The following COL25A1 variants were observed in gnomAD, a reference collection of about 807,000 sequenced individuals.
COL25A1 encodes collagen type XXV alpha 1 chain.
COL25A1 carries 103 observed loss-of-function variants against 128.4 expected under a neutral mutation model. That is an observed-to-expected ratio of 0.80 (90% CI 0.68 to 0.94). COL25A1 has a LOEUF of 0.94. Among genes scored for constraint, COL25A1 ranks in the 40% least tolerant of loss-of-function variants. COL25A1 has a pLI of 0.00. For missense variants in COL25A1, 745 were observed against 840.0 expected (o/e 0.89, Z 1.40); for synonymous variants, 279 against 277.2 (o/e 1.01, Z -0.06).
At chr4:108,994,406 G>A (rs1754542443) in intron 6 of COL25A1, among the ~76,000 whole-genome samples, 4 of 152,190 alleles carry the variant, frequency 2.6e-5, no homozygotes, top group African/African-American at 9.7e-5. Flanking sequence ...TGGGGGGAGG[G>A]GCGTCCACCA....
At chr4:109,145,313 C>T (rs867587527) in intron 3 of COL25A1, among the ~76,000 whole-genome samples, 6 of 151,974 alleles carry the variant, frequency 3.9e-5, no homozygotes, top group East Asian at 1.9e-4. Flanking sequence ...GTGATCTGCC[C>T]GCCTCGGTCT....
intron 3 of COL25A1, among the ~76,000 whole-genome samples, chr4:109,173,286 C>G (rs1272180062): frequency 6.6e-6 from 1 of 152,080 alleles, no homozygotes; most frequent in Non-Finnish European, 1.5e-5. Context: ...TGAGGTCTCA[C>G]TATATTGTCC....
chr4:109,245,266 A>C (rs1780185034), intron 3 of COL25A1, among the ~76,000 whole-genome samples: 1 of 152,148 alleles, frequency 6.6e-6, no homozygotes, highest in Non-Finnish European at 1.5e-5. Context: ...TGTTATAGCC[A>C]AATATAGGAA....
At chr4:109,263,071 G>A (rs192869541) in intron 3 of COL25A1, among the ~76,000 whole-genome samples, 1 of 152,268 alleles carries the variant, frequency 6.6e-6, no homozygotes, top group Non-Finnish European at 1.5e-5. Context: ...TGAGGTTGCA[G>A]TGAGCCAAGA....
intron 8 of COL25A1, among the ~76,000 whole-genome samples, chr4:108,963,533 C>T (rs1296910320): frequency 4.6e-5 from 7 of 152,072 alleles, no homozygotes; most frequent in East Asian, 1.9e-4. Context: ...CACATTTTAG[C>T]ATATGCTTCC....
At chr4:109,210,098 A>G (rs1777376158) in intron 3 of COL25A1, among the ~76,000 whole-genome samples, 1 of 151,878 alleles carries the variant, frequency 6.6e-6, no homozygotes, top group African/African-American at 2.4e-5. Context: ...GGTTCTTGTT[A>G]GGTATTAATT....
At position 109,254,783 on chromosome 4, in the gene COL25A1, C is replaced by T. The variant is rs199824198; in HGVS notation, c.367+45800G>A. Among the ~76,000 whole-genome samples the T allele has an allele frequency of 3.9e-5, 6 of 151,902 alleles. No individual in the cohort carries two copies. In the East Asian group the frequency reaches 9.7e-4, roughly 25 times the overall value. On this transcript the variant is annotated intron_variant, in intron 3 of 37. Coordinates refer to ENST00000399132, the MANE Select transcript of COL25A1 (RefSeq NM_198721.4). The stretch of plus-strand genomic sequence containing the variant: ...TATGCTTAAAAATAAGACACACTGC[C>T]CAGCAAAGAGATTCTGCTACATTTT...
rs367614775 is a variant in COL25A1, at chr4:108,863,376, C to A, written c.1095G>T (p.Gly365=). 1.2e-6 allele frequency: 2 copies of A among 1,613,730 alleles called. No individual in the cohort carries two copies. The highest frequency in any genetic ancestry group is 2.2e-5 in the South Asian group (2 of 90,990). The change falls in exon 21 of 38, where the codon GGG becomes GGT. Residue 365 remains glycine (G), a synonymous_variant. Transcript: ENST00000399132. ...PGLPGTKGER[G]EAGPPGRGER... ...CACCTCTTCCAGGAGGCCCTGCTTC[C>A]CCCCGTTCACCCTGTCACAAATTGC...
chr4:109,292,015 T>A (rs560213665), intron 3 of COL25A1, among the ~76,000 whole-genome samples: 1 of 152,230 alleles, frequency 6.6e-6, no homozygotes, highest in East Asian at 1.9e-4. Context: ...CAGTACAGTA[T>A]TTCAAAGATC....
At chr4:108,817,156 C>G (rs1731323598) in intron 37 of COL25A1, among the ~76,000 whole-genome samples, 1 of 152,042 alleles carries the variant, frequency 6.6e-6, no homozygotes, top group Non-Finnish European at 1.5e-5. Flanking sequence ...GATGCACTGC[C>G]CCTTTCCATT....
chr4:109,285,526 T>C (rs1723794216), intron 3 of COL25A1, among the ~76,000 whole-genome samples: 1 of 152,156 alleles, frequency 6.6e-6, no homozygotes, highest in Admixed American at 6.5e-5. Flanking sequence ...GGCAGCGTTG[T>C]CCCTTGGAGA....
intron 19 of COL25A1, among the ~76,000 whole-genome samples, chr4:108,873,974 A>G (rs956597092): frequency 3.3e-5 from 5 of 152,210 alleles, no homozygotes; most frequent in African/African-American, 1.2e-4. Context: ...TAAAGGTTCT[A>G]GAATCTCCTA....
chr4:108,809,431 C>T lies in COL25A1; in HGVS notation c.*4496G>A, dbSNP rs1011999433. On this transcript the variant is annotated 3_prime_UTR_variant, in exon 38 of 38. Coordinates refer to ENST00000399132, the MANE Select transcript of COL25A1 (RefSeq NM_198721.4). ...AAGACATTCTTTTGTGAATCCAATT[C>T]GTTAATATTTCTGAGATAGGTAAGA... The T allele has an allele frequency of 7.2e-5, 11 of 151,934 alleles. No homozygotes were observed. The highest frequency in any genetic ancestry group is 2.1e-4 in the South Asian group (1 of 4,830). 9.4% of individuals were successfully genotyped at this position (151,934 alleles called of 1,614,324 possible). A position where few individuals can be genotyped will look rare whatever the true frequency, so the allele number is the denominator to read the frequency against.
intron 4 of COL25A1, 107 bp downstream of exon 4, chr4:109,050,028 C>A: frequency 1.3e-6 from 1 of 799,054 alleles, no homozygotes; most frequent in Non-Finnish European, 2.0e-6. Context: ...GATTTAAACA[C>A]ACACATATAA....
At chr4:109,107,188 T>C (rs903234084) in intron 3 of COL25A1, among the ~76,000 whole-genome samples, 1 of 152,112 alleles carries the variant, frequency 6.6e-6, no homozygotes, top group African/African-American at 2.4e-5. Context: ...AAAAGTAATA[T>C]TAAAGAAAAC....
At chr4:109,014,739 G>A (rs1371117668) in intron 5 of COL25A1, among the ~76,000 whole-genome samples, 1 of 152,198 alleles carries the variant, frequency 6.6e-6, no homozygotes, top group Non-Finnish European at 1.5e-5. Flanking sequence ...GAATTTCAGG[G>A]ATGTATGGTG....
At chr4:109,269,503 GCCACACTGACTT>G (rs1782046454) in intron 3 of COL25A1, among the ~76,000 whole-genome samples, 1 of 149,088 alleles carries the variant, frequency 6.7e-6, no homozygotes, top group South Asian at 2.2e-4. Flanking sequence ...CTGAGGAATC[GCCACACTGACTT>G]CCACAATGGT....
At chr4:109,099,847 C>T (rs899107931) in intron 3 of COL25A1, among the ~76,000 whole-genome samples, 6 of 152,156 alleles carry the variant, frequency 3.9e-5, no homozygotes, top group South Asian at 2.1e-4. Context: ...GGCCAATAGA[C>T]ATATTTTAAA....
rs116797129 is a variant in COL25A1, at chr4:109,180,960, A to T, written c.367+119623T>A. ...AAGAAGAGGTAGAATCAAATATATA[A>T]TGTCATAATTCCTGACACCAATATC... On this transcript the variant is annotated intron_variant, in intron 3 of 37. Coordinates refer to ENST00000399132, the MANE Select transcript of COL25A1 (RefSeq NM_198721.4). Among the ~76,000 whole-genome samples, 1,079 of 152,306 alleles carry T rather than the reference A, an allele frequency of 7.1e-3. 16 individuals carry two copies. The highest frequency in any genetic ancestry group is 0.024 in the African/African-American group (992 of 41,588).
Sources: allele counts gnomAD v4.1 joint callset (sites outside exome capture counted in the v4.1 genomes callset), GRCh38; gene constraint gnomAD v4.1.1; transcripts MANE v1.5; gene names NCBI Gene and HGNC (gene_info 2026-07-23, HGNC 2026-07-21).